GAB4: variants seen among roughly 807,000 people sequenced by gnomAD.
GAB4 encodes the protein GRB2 associated binding protein family member 4, also known as GRB2-associated-binding protein 4.
A neutral mutation model predicts 51.3 loss-of-function variants in GAB4; 26 were observed. The observed-to-expected ratio is 0.51, with a 90% CI of 0.37 to 0.70. GAB4 has a LOEUF of 0.70. Among genes scored for constraint, GAB4 ranks in the 30% least tolerant of loss-of-function variants. The pLI is 0.00. For synonymous variants in GAB4, 329 were observed against 291.2 expected (o/e 1.13, Z -1.32); for missense variants, 759 against 734.6 (o/e 1.03, Z -0.38).
At chr22:16,994,325 G>A (rs2060935065) in intron 1 of GAB4, among the ~76,000 whole-genome samples, 3 of 152,110 alleles carry the variant, frequency 2.0e-5, no homozygotes, top group Admixed American at 1.3e-4. Flanking sequence ...TACCCAATAA[G>A]CCTTGGATTG....
intron 3 of GAB4, among the ~76,000 whole-genome samples, chr22:16,974,018 T>C (rs1165710365): frequency 6.6e-6 from 1 of 152,194 alleles, no homozygotes; most frequent in Admixed American, 6.5e-5. Flanking sequence ...GAAGCCAACA[T>C]GCCTGAAATT....
At chr22:16,974,521 G>A (rs4419321) in intron 3 of GAB4, among the ~76,000 whole-genome samples, 1 of 152,290 alleles carries the variant, frequency 6.6e-6, no homozygotes, top group East Asian at 1.9e-4. Flanking sequence ...TCCTGTCCTA[G>A]GCTTCTGGCT....
intron 3 of GAB4, among the ~76,000 whole-genome samples, chr22:16,985,710 A>G (rs1001255715): frequency 2.6e-5 from 4 of 152,258 alleles, no homozygotes; most frequent in Non-Finnish European, 5.9e-5. Flanking sequence ...AAGCGAAAAC[A>G]AAGAGGACAG....
At position 16,994,684 on chromosome 22, in the gene GAB4, T is replaced by C. The variant is rs185564078; in HGVS notation, c.175-2508A>G. ...CTAGCTCTGGGAGGGTTTTTTGAAG[T>C]AGATTTCTTAGAAGTTCCTGTATAT... On this transcript the variant is annotated intron_variant, in intron 1 of 9. Coordinates refer to ENST00000400588, the MANE Select transcript of GAB4 (RefSeq NM_001037814.1). Among the ~76,000 whole-genome samples the C allele has an allele frequency of 4.5e-4, 69 of 152,364 alleles. No individual in the cohort carries two copies. The Middle Eastern group carries it at 0.014, about 30-fold the overall frequency.
intron 6 of GAB4, 110 bp from the exon 7 acceptor site, chr22:16,965,378 C>T (rs1452434862): frequency 2.5e-6 from 2 of 793,894 alleles, no homozygotes; most frequent in East Asian, 2.7e-5. Context: ...CCACCCAGTC[C>T]ACCCAGCTGT....
intron 2 of GAB4, 114 bp from the exon 3 acceptor site, chr22:16,988,281 C>T: frequency 1.4e-6 from 1 of 736,646 alleles, no homozygotes; most frequent in South Asian, 1.6e-5. Flanking sequence ...TCTCACATGC[C>T]TGCCTCCTCT....
chr22:16,964,038 C>T (rs773278815), intron 8 of GAB4, among the ~76,000 whole-genome samples: 2 of 152,124 alleles, frequency 1.3e-5, no homozygotes, highest in Non-Finnish European at 2.9e-5. Context: ...GATGCTGCAC[C>T]CAGTCAGTCA....
At position 16,997,045 on chromosome 22, in the gene GAB4, T is replaced by G. The variant is rs539781930; in HGVS notation, c.175-4869A>C. On this transcript the variant is annotated intron_variant, in intron 1 of 9. Coordinates refer to ENST00000400588, the MANE Select transcript of GAB4 (RefSeq NM_001037814.1). ...CATGGTGTATATGTGCCACATTTTC[T>G]TCATCCAGTCTGGTTGGTTCCAAGT... Among the ~76,000 whole-genome samples, 15 of 150,846 alleles carry G rather than the reference T, an allele frequency of 9.9e-5. 2 individuals carry two copies. The South Asian group carries it at 3.1e-3, about 31-fold the overall frequency.
At chr22:16,967,978 ACTCCT>A (rs1482580771) in intron 5 of GAB4, among the ~76,000 whole-genome samples, 4 of 151,878 alleles carry the variant, frequency 2.6e-5, no homozygotes, top group Non-Finnish European at 5.9e-5. Context: ...ACAGGGAAGC[ACTCCT>A]GCTCCAGGGG....
chr22:16,972,346 A>G (rs2060739216), intron 3 of GAB4, among the ~76,000 whole-genome samples: 1 of 152,204 alleles, frequency 6.6e-6, no homozygotes, highest in Non-Finnish European at 1.5e-5. Context: ...TGAGCCCGGA[A>G]GGATCTGCAG....
chr22:16,967,747 G>T (rs895902505), intron 5 of GAB4, among the ~76,000 whole-genome samples: 3 of 152,168 alleles, frequency 2.0e-5, no homozygotes, highest in Admixed American at 6.5e-5. Context: ...GAAGCCTGAC[G>T]CCAGGCCTTG....
intron 3 of GAB4, among the ~76,000 whole-genome samples, chr22:16,971,233 T>G (rs2060729205): frequency 6.6e-6 from 1 of 152,172 alleles, no homozygotes; most frequent in Non-Finnish European, 1.5e-5. Flanking sequence ...ACGTAAGTTT[T>G]GGGAGATAAG....
intron 3 of GAB4, among the ~76,000 whole-genome samples, chr22:16,979,385 A>G (rs2060808317): frequency 6.6e-6 from 1 of 150,544 alleles, no homozygotes; most frequent in African/African-American, 2.4e-5. Flanking sequence ...ATAAACCAGT[A>G]ATAGCCAAAT....
chr22:16,988,635 C>T (rs1322467885), intron 2 of GAB4, among the ~76,000 whole-genome samples: 3 of 152,206 alleles, frequency 2.0e-5, no homozygotes, highest in Non-Finnish European at 2.9e-5. Context: ...ATCTCAGACT[C>T]TCCTGTGGTG....
At chr22:16,996,681 C>CT (rs1374476465) in intron 1 of GAB4, among the ~76,000 whole-genome samples, 5 of 152,196 alleles carry the variant, frequency 3.3e-5, no homozygotes, top group East Asian at 3.9e-4. Context: ...TATTATTATA[C>CT]TTTAAGTTCT....
In GAB4 at chr22:16,962,545, AG is replaced by A. The variant is rs2060637335; in HGVS notation, c.*187del. The A allele has an allele frequency of 6.7e-6, 3 of 445,004 alleles. No homozygotes were observed. The highest frequency in any genetic ancestry group is 1.2e-5 in the Non-Finnish European group (3 of 255,958). 27.6% of individuals were successfully genotyped at this position (445,004 alleles called of 1,614,324 possible). A position where few individuals can be genotyped will look rare whatever the true frequency, so the allele number is the denominator to read the frequency against. ...TGCTTGCTGGCAACTGCTCCTAGCAAGGGGGTGAAGGTGGGGACCATGGCCA... is the reference window on the plus strand; with the variant it reads ...TGCTTGCTGGCAACTGCTCCTAGCAAGGGGTGAAGGTGGGGACCATGGCCA... On this transcript the variant is annotated 3_prime_UTR_variant, in exon 10 of 10. Coordinates refer to ENST00000400588, the MANE Select transcript of GAB4 (RefSeq NM_001037814.1).
chr22:16,996,546 G>A (rs1163364885), intron 1 of GAB4, among the ~76,000 whole-genome samples: 2 of 152,106 alleles, frequency 1.3e-5, no homozygotes, highest in Admixed American at 1.3e-4. Context: ...AAAATGGTAA[G>A]GGCAGCCAGA....
intron 1 of GAB4, among the ~76,000 whole-genome samples, chr22:17,006,561 G>A (rs972968288): frequency 3.3e-5 from 5 of 152,200 alleles, no homozygotes; most frequent in African/African-American, 1.2e-4. Flanking sequence ...GCACCCGTAT[G>A]TTTATTGCAG....
At chr22:16,988,756 C>A (rs1270828737) in intron 2 of GAB4, among the ~76,000 whole-genome samples, 4 of 152,188 alleles carry the variant, frequency 2.6e-5, no homozygotes, top group Admixed American at 1.3e-4. Flanking sequence ...CTCAGCAGAA[C>A]CTACGAGGCC....
Sources: gnomAD v4.1 joint callset for allele counts (sites outside exome capture counted in the v4.1 genomes callset) on GRCh38, gnomAD v4.1.1 for gene constraint, MANE v1.5 for transcripts, NCBI Gene and HGNC (gene_info 2026-07-23, HGNC 2026-07-21) for gene names.